Variants in SLCO5A1 observed in about 807,000 individuals in gnomAD.
SLCO5A1 encodes the protein solute carrier organic anion transporter family member 5A1.
SLCO5A1 carries 39 observed loss-of-function variants against 65.1 expected under a neutral mutation model. The ratio of observed to expected loss-of-function variants is 0.60; its 90% CI spans 0.46 to 0.78. The LOEUF is 0.78. Ranked by LOEUF, SLCO5A1 falls within the 30% of genes least tolerant of loss-of-function variation. SLCO5A1 has a pLI of 0.00. For synonymous variants in SLCO5A1, 438 were observed against 415.7 expected (o/e 1.05, Z -0.65); for missense variants, 1,029 against 1,069.4 (o/e 0.96, Z 0.53).
At chr8:69,777,032 T>A (rs1818589722) in intron 2 of SLCO5A1, among the ~76,000 whole-genome samples, 1 of 152,180 alleles carries the variant, frequency 6.6e-6, no homozygotes, top group Non-Finnish European at 1.5e-5. Context: ...CATATACATA[T>A]CACTTGATTC....
intron 2 of SLCO5A1, among the ~76,000 whole-genome samples, chr8:69,778,247 G>T (rs1214411210): frequency 6.6e-6 from 1 of 151,910 alleles, no homozygotes; most frequent in Non-Finnish European, 1.5e-5. Context: ...GTGTGTGTGT[G>T]TGTGTGTGTG....
intron 2 of SLCO5A1, among the ~76,000 whole-genome samples, chr8:69,770,958 A>C (rs925600640): frequency 1.3e-5 from 2 of 151,840 alleles, no homozygotes; most frequent in African/African-American, 4.8e-5. Context: ...TTATACTCTA[A>C]TCTCTCTTTC....
intron 6 of SLCO5A1, among the ~76,000 whole-genome samples, chr8:69,701,861 G>A (rs767238079): frequency 1.3e-5 from 2 of 152,186 alleles, no homozygotes; most frequent in South Asian, 2.1e-4. Flanking sequence ...TACAGAGTTC[G>A]ACTCTTTCCA....
At chr8:69,822,281 C>T (rs1820678216) in intron 2 of SLCO5A1, among the ~76,000 whole-genome samples, 1 of 152,072 alleles carries the variant, frequency 6.6e-6, no homozygotes, top group African/African-American at 2.4e-5. Flanking sequence ...CACCACAAGC[C>T]CCTCAAACTT....
chr8:69,799,531 T>G (rs889401475), intron 2 of SLCO5A1, among the ~76,000 whole-genome samples: 18 of 152,358 alleles, frequency 1.2e-4, no homozygotes, highest in African/African-American at 4.1e-4. Context: ...TCTTGATTCC[T>G]ATAAAGGTTG....
chr8:69,756,178 C>A (rs28559745), intron 3 of SLCO5A1, among the ~76,000 whole-genome samples: 3 of 152,096 alleles, frequency 2.0e-5, no homozygotes, highest in Non-Finnish European at 4.4e-5. Context: ...AATCCCAGCA[C>A]GTTGGGAGGC....
chr8:69,721,857 A>G (rs1300429939), intron 5 of SLCO5A1, among the ~76,000 whole-genome samples: 1 of 152,164 alleles, frequency 6.6e-6, no homozygotes, highest in Non-Finnish European at 1.5e-5. Context: ...CAAAAAAATA[A>G]GTGCTATGAT....
intron 5 of SLCO5A1, among the ~76,000 whole-genome samples, chr8:69,732,379 A>G (rs1254095550): frequency 6.6e-6 from 1 of 152,208 alleles, no homozygotes; most frequent in African/African-American, 2.4e-5. Context: ...TACACATCAA[A>G]GGGCAAGAGC....
intron 2 of SLCO5A1, among the ~76,000 whole-genome samples, chr8:69,812,107 GT>G (rs1263044490): frequency 6.6e-6 from 1 of 152,174 alleles, no homozygotes; most frequent in Non-Finnish European, 1.5e-5. Flanking sequence ...CTTGCTGGAG[GT>G]CACGAAGCTC....
chr8:69,759,432 C>A (rs940113793), intron 3 of SLCO5A1, among the ~76,000 whole-genome samples: 20 of 152,132 alleles, frequency 1.3e-4, no homozygotes, highest in African/African-American at 4.3e-4. Flanking sequence ...TACTGTACAG[C>A]AGGAACAACT....
chr8:69,762,159 TTTC>T (rs1817814745), intron 2 of SLCO5A1, among the ~76,000 whole-genome samples: 1 of 134,770 alleles, frequency 7.4e-6, no homozygotes, highest in Non-Finnish European at 1.6e-5. Flanking sequence ...TCTTTCTTTC[TTTC>T]TTTCTTTCTT....
chr8:69,761,301 G>A (rs906557102), intron 3 of SLCO5A1: 2 of 175,782 alleles, frequency 1.1e-5, no homozygotes, highest in African/African-American at 4.8e-5. Context: ...GAAAGGGCTG[G>A]AGGCTGGGGA....
In SLCO5A1 at chr8:69,755,389, G is replaced by A; in HGVS notation, c.1258+35C>T. 4 of 1,567,306 alleles carry A rather than the reference G, an allele frequency of 2.6e-6. No homozygotes were observed. The South Asian group carries it at 3.3e-5, about 13-fold the overall frequency. On this transcript the variant is annotated intron_variant, in intron 4 of 9. Coordinates refer to ENST00000260126, the MANE Select transcript of SLCO5A1 (RefSeq NM_030958.3). ...CACTATGAGTAGCACTGATCAAAGT[G>A]CCATGCATGTATTTATTCAAGAGGT...
chr8:69,683,318 T>A (rs1813860863), intron 6 of SLCO5A1, among the ~76,000 whole-genome samples: 1 of 152,208 alleles, frequency 6.6e-6, no homozygotes, highest in Admixed American at 6.5e-5. Context: ...CAATAGCAGA[T>A]CCTTCATCCA....
At chr8:69,752,453 T>C (rs1008682390) in intron 4 of SLCO5A1, among the ~76,000 whole-genome samples, 1 of 147,642 alleles carries the variant, frequency 6.8e-6, no homozygotes, top group Non-Finnish European at 1.5e-5. Flanking sequence ...AAAAAAGTGA[T>C]GTCAATAGCA....
intron 2 of SLCO5A1, among the ~76,000 whole-genome samples, chr8:69,819,096 C>T (rs1415938441): frequency 1.3e-5 from 2 of 152,088 alleles, no homozygotes; most frequent in Non-Finnish European, 2.9e-5. Flanking sequence ...AAATGGGTTA[C>T]AAGTCTTAGG....
At chr8:69,746,697 G>A (rs967197557) in intron 4 of SLCO5A1, among the ~76,000 whole-genome samples, 2 of 152,192 alleles carry the variant, frequency 1.3e-5, no homozygotes, top group African/African-American at 4.8e-5. Flanking sequence ...GATAATTATG[G>A]CCGAAGGAGG....
chr8:69,800,806 C>T (rs185173594), intron 2 of SLCO5A1, among the ~76,000 whole-genome samples: 138 of 152,264 alleles, frequency 9.1e-4, no homozygotes, highest in African/African-American at 3.2e-3. Flanking sequence ...CGTTGCCACC[C>T]CTTTGACAGA....
At chr8:69,784,922 G>GA (rs1168505663) in intron 2 of SLCO5A1, among the ~76,000 whole-genome samples, 2 of 122,664 alleles carry the variant, frequency 1.6e-5, no homozygotes, top group Non-Finnish European at 3.5e-5. Context: ...AAGAAAGAAA[G>GA]AAAGAAAGAA....
Sources: gnomAD v4.1 joint callset for allele counts (sites outside exome capture counted in the v4.1 genomes callset) on GRCh38, gnomAD v4.1.1 for gene constraint, MANE v1.5 for transcripts, NCBI Gene and HGNC (gene_info 2026-07-23, HGNC 2026-07-21) for gene names.